Variants in KSR2 observed in about 807,000 individuals in gnomAD.
KSR2 encodes the protein kinase suppressor of ras 2.
KSR2 carries 25 observed loss-of-function variants against 107.8 expected under a neutral mutation model. That is an observed-to-expected ratio of 0.23 (90% confidence interval 0.17 to 0.32). KSR2 has a LOEUF of 0.32. Ranked by LOEUF, KSR2 falls within the 10% of genes least tolerant of loss-of-function variation. The pLI, the probability that KSR2 is intolerant of heterozygous loss-of-function variation, is 1.00. For missense variants in KSR2, 887 were observed against 1,268.9 expected (o/e 0.70, Z 4.57); for synonymous variants, 480 against 507.0 (o/e 0.95, Z 0.71).
chr12:117,579,169 G>A lies in KSR2; in HGVS notation c.1275C>T (p.Cys425=). ...AAAGCATCCCTTTCCCACAGACTGT[G>A]CACGTCTGAGACATCCAGTACTTGG... The part of the protein sequence containing the change: ...FSTKYWMSQT[C]TVCGKGMLFG... The change falls in exon 7 of 20, where the codon TGC becomes TGT. Residue 425 remains cysteine, a synonymous_variant. Coordinates refer to ENST00000339824, the MANE Select transcript of KSR2 (RefSeq NM_173598.6). 1.2e-6 allele frequency: 2 copies of A among 1,613,704 alleles called. No homozygotes were observed. The highest frequency in any genetic ancestry group is 1.7e-6 in the Non-Finnish European group (2 of 1,179,762).
intron 1 of KSR2, among the ~76,000 whole-genome samples, chr12:117,929,208 G>A (rs1331976921): frequency 1.3e-5 from 2 of 152,212 alleles, no homozygotes; most frequent in African/African-American, 4.8e-5. Flanking sequence ...GTACACCAAT[G>A]TTCATAGCAG....
chr12:117,536,260 C>T (rs1876047151), intron 10 of KSR2, among the ~76,000 whole-genome samples: 1 of 152,128 alleles, frequency 6.6e-6, no homozygotes, highest in Admixed American at 6.5e-5. Flanking sequence ...GGCAAAGCTC[C>T]ATTTTTCATC....
chr12:117,547,081 T>C (rs888217807), intron 9 of KSR2, among the ~76,000 whole-genome samples: 2 of 152,212 alleles, frequency 1.3e-5, no homozygotes, highest in African/African-American at 4.8e-5. Flanking sequence ...AGCCTGAACA[T>C]GTGAGTATTA....
At chr12:117,697,842 G>A (rs1435862906) in intron 4 of KSR2, among the ~76,000 whole-genome samples, 2 of 151,848 alleles carry the variant, frequency 1.3e-5, no homozygotes, top group Admixed American at 6.6e-5. Context: ...ATCAAAGAAT[G>A]TAATATGATA....
Position 117,968,890 on chromosome 12 carries a change from G to T in KSR2, c.-635C>A. ...TGCGGCTGGCTGCTGTCTCCTCCCC[G>T]CGCTGCTGCTGCTGCTGCTGCTGCC... On this transcript the variant is annotated 5_prime_UTR_variant, in exon 1 of 20. Coordinates refer to ENST00000339824, the MANE Select transcript of KSR2 (RefSeq NM_173598.6). The T allele has an allele frequency of 8.0e-6, 2 of 250,058 alleles. No individual in the cohort carries two copies. The highest frequency in any genetic ancestry group is 1.6e-5 in the Non-Finnish European group (2 of 125,912). The allele number at this position is 250,058 out of a possible 1,614,324, so 15.5% of individuals were successfully genotyped here. A position where few individuals can be genotyped will look rare whatever the true frequency, so the allele number is the denominator to read the frequency against.
At position 117,752,209 on chromosome 12, in the gene KSR2, T is replaced by C. The variant is rs548407759; in HGVS notation, c.986+8802A>G. Among the ~76,000 whole-genome samples, 3 of 152,304 alleles carry C rather than the reference T, an allele frequency of 2.0e-5. No homozygotes were observed. The East Asian group carries it at 5.8e-4, about 29-fold the overall frequency. Reference sequence around the variant, plus strand: ...GAAGGTATAATAAACACGGCTCTTATCCAGCCTGGTTCTCTCTGCTCACAG... The same window carrying C: ...GAAGGTATAATAAACACGGCTCTTACCCAGCCTGGTTCTCTCTGCTCACAG... On this transcript the variant is annotated intron_variant, in intron 4 of 19. Coordinates refer to ENST00000339824, the MANE Select transcript of KSR2 (RefSeq NM_173598.6).
At chr12:117,580,411 T>A (rs943871170) in intron 6 of KSR2, among the ~76,000 whole-genome samples, 1 of 152,226 alleles carries the variant, frequency 6.6e-6, no homozygotes, top group Non-Finnish European at 1.5e-5. Context: ...AGCGTGTATT[T>A]CACTCATCAG....
chr12:117,569,503 G>A (rs1485838908), intron 7 of KSR2, among the ~76,000 whole-genome samples: 2 of 152,178 alleles, frequency 1.3e-5, no homozygotes, highest in African/African-American at 4.8e-5. Context: ...GTTAACTCAG[G>A]CTTCCAAACA....
At chr12:117,470,386 TATCC>T (rs570501324) in intron 18 of KSR2, among the ~76,000 whole-genome samples, 25 of 149,606 alleles carry the variant, frequency 1.7e-4, no homozygotes, top group South Asian at 2.2e-4. Context: ...CATCCTTCAT[TATCC>T]ATCCATCCAT....
chr12:117,585,646 G>GA (rs1232764680), intron 5 of KSR2, among the ~76,000 whole-genome samples: 9 of 151,468 alleles, frequency 5.9e-5, no homozygotes, highest in Admixed American at 4.6e-4. Flanking sequence ...AAGGGAAGGG[G>GA]AAAAAATATA....
At chr12:117,626,167 C>T (rs1430100518) in intron 5 of KSR2, among the ~76,000 whole-genome samples, 1 of 152,064 alleles carries the variant, frequency 6.6e-6, no homozygotes, top group Non-Finnish European at 1.5e-5. Flanking sequence ...CCTAGATTCA[C>T]TGATTTTTTT....
At chr12:117,762,579 T>C (rs57082141) in intron 3 of KSR2, among the ~76,000 whole-genome samples, 22,942 of 152,100 alleles carry the variant, frequency 0.15, 1,859 homozygotes, top group South Asian at 0.25. Context: ...AAAAAGAATA[T>C]GGGCAGCTGG....
intron 5 of KSR2, among the ~76,000 whole-genome samples, chr12:117,658,195 T>A (rs1302905502): frequency 6.6e-6 from 1 of 152,220 alleles, no homozygotes; most frequent in Non-Finnish European, 1.5e-5. Context: ...ACGTTAAGGA[T>A]CTGGGCTGTA....
chr12:117,640,211 A>G (rs2393241), intron 5 of KSR2, among the ~76,000 whole-genome samples: 25,161 of 151,212 alleles, frequency 0.17, 2,167 homozygotes, highest in Middle Eastern at 0.23. Flanking sequence ...GAGGAAGCAG[A>G]TGGGGGGTTC....
intron 14 of KSR2, among the ~76,000 whole-genome samples, chr12:117,501,788 G>A (rs932554445): frequency 7.2e-5 from 11 of 152,192 alleles, no homozygotes; most frequent in Admixed American, 2.0e-4. Context: ...AGGGAGGGGC[G>A]TGCCCCAGCC....
At chr12:117,672,437 G>A (rs866216558) in intron 4 of KSR2, among the ~76,000 whole-genome samples, 5 of 152,148 alleles carry the variant, frequency 3.3e-5, no homozygotes, top group Non-Finnish European at 7.4e-5. Context: ...AATCTCAGAA[G>A]GCTATTGTGA....
At chr12:117,729,770 C>T (rs1466117139) in intron 4 of KSR2, among the ~76,000 whole-genome samples, 1 of 151,596 alleles carries the variant, frequency 6.6e-6, no homozygotes, top group African/African-American at 2.4e-5. Context: ...CTGTGTTAAA[C>T]TGAGAAATGA....
chr12:117,870,881 T>A (rs920605263), intron 1 of KSR2, among the ~76,000 whole-genome samples: 2 of 152,124 alleles, frequency 1.3e-5, no homozygotes, highest in African/African-American at 2.4e-5. Context: ...GGAATGAGAA[T>A]CATCTTGGGG....
rs575860363 is a variant in KSR2, at chr12:117,829,980, C to T, written c.472+25448G>A. Among the ~76,000 whole-genome samples the T allele has an allele frequency of 2.6e-5, 4 of 152,302 alleles. No homozygotes were observed. The East Asian group carries it at 7.7e-4, about 29-fold the overall frequency. ...GAAAATCAAATATTGCATGTTCTCACTTATAAGTAGAGTGCAGTGGCTCAC... is the reference window on the plus strand; with the variant it reads ...GAAAATCAAATATTGCATGTTCTCATTTATAAGTAGAGTGCAGTGGCTCAC... On this transcript the variant is annotated intron_variant, in intron 3 of 19. Transcript: ENST00000339824.
Sources: allele counts gnomAD v4.1 joint callset (sites outside exome capture counted in the v4.1 genomes callset), GRCh38; gene constraint gnomAD v4.1.1; transcripts MANE v1.5; gene names NCBI Gene and HGNC (gene_info 2026-07-23, HGNC 2026-07-21).